Variants in TIAM2 observed in about 807,000 individuals in gnomAD.
The protein encoded by TIAM2 is TIAM Rac1 associated GEF 2, also known as rho guanine nucleotide exchange factor TIAM2.
A neutral mutation model predicts 152.9 loss-of-function variants in TIAM2; 80 were observed. The ratio of observed to expected loss-of-function variants is 0.52; its 90% CI spans 0.44 to 0.63. TIAM2 has a LOEUF of 0.63. Among genes scored for constraint, TIAM2 ranks in the 30% least tolerant of loss-of-function variants. The pLI is 0.00. For synonymous variants in TIAM2, 804 were observed against 838.0 expected, an observed-to-expected ratio of 0.96 and a Z score of 0.70; for missense variants, 1,965 against 2,120.1, an observed-to-expected ratio of 0.93 and a Z score of 1.44.
chr6:155,252,827 A>T, intron 23 of TIAM2, 121 bp from the exon 24 acceptor site: 1 of 808,206 alleles, frequency 1.2e-6, no homozygotes, highest in Non-Finnish European at 2.0e-6. Context: ...TGCCCTGAAC[A>T]CCCACATGGC....
chr6:155,222,722 A>G (rs1053802442), intron 15 of TIAM2, among the ~76,000 whole-genome samples: 4 of 151,914 alleles, frequency 2.6e-5, no homozygotes, highest in Non-Finnish European at 4.4e-5. Context: ...CCTATCTGTG[A>G]AACTCAAGGG....
intron 26 of TIAM2, 136 bp downstream of exon 26, chr6:155,254,709 T>A: frequency 9.0e-7 from 1 of 1,113,806 alleles, no homozygotes; most frequent in Non-Finnish European, 1.3e-6. Flanking sequence ...TTAAGAAACC[T>A]AAACATGCCT....
At chr6:155,063,542 G>C (rs984841747) in intron 1 of TIAM2, among the ~76,000 whole-genome samples, 4 of 152,106 alleles carry the variant, frequency 2.6e-5, no homozygotes, top group African/African-American at 9.7e-5. Flanking sequence ...CCAGCACTTT[G>C]GAAGGCCGAG....
At chr6:155,250,482 G>A (rs571320876) in intron 21 of TIAM2, 19,203 of 1,428,834 alleles carry the variant, frequency 0.013, 226 homozygotes, top group Non-Finnish European at 0.015. Context: ...AACAGGAAAG[G>A]ACTGGAGATC....
At chr6:155,159,399 C>A (rs113105956) in intron 7 of TIAM2, among the ~76,000 whole-genome samples, 23 of 152,240 alleles carry the variant, frequency 1.5e-4, no homozygotes, top group African/African-American at 5.5e-4. Context: ...AATCAGGGGC[C>A]CCGTTATAGC....
At chr6:155,110,186 C>G (rs887717499) in intron 2 of TIAM2, among the ~76,000 whole-genome samples, 4 of 151,992 alleles carry the variant, frequency 2.6e-5, no homozygotes, top group African/African-American at 9.7e-5. Flanking sequence ...CTCCTGATCT[C>G]AAGTGATCCG....
chr6:155,185,943 A>G (rs73795345), intron 14 of TIAM2, among the ~76,000 whole-genome samples: 14,922 of 152,220 alleles, frequency 0.098, 1,075 homozygotes, highest in African/African-American at 0.2. Context: ...AGACACCACA[A>G]ACAGAGGCTT....
chr6:155,047,660 AGAGAGAG>A (rs1777208072), intron 1 of TIAM2, among the ~76,000 whole-genome samples: 1 of 92,088 alleles, frequency 1.1e-5, no homozygotes, highest in Non-Finnish European at 2.3e-5. Flanking sequence ...GGAGAGAGAG[AGAGAGAG>A]GAGAGAGAGA....
intron 1 of TIAM2, among the ~76,000 whole-genome samples, chr6:155,017,568 A>G (rs1223982657): frequency 1.4e-5 from 2 of 141,424 alleles, no homozygotes; most frequent in Non-Finnish European, 3.0e-5. Context: ...CAGTAGTGCG[A>G]TCTTGGCTCA....
chr6:155,028,656 AATAT>A (rs1219031499), intron 1 of TIAM2, among the ~76,000 whole-genome samples: 5 of 131,106 alleles, frequency 3.8e-5, no homozygotes, highest in African/African-American at 1.2e-4. Flanking sequence ...TACTACATAT[AATAT>A]ATATACTGTG....
At chr6:155,088,052 C>CTTTTTTTTTTTTT (rs113372173) in intron 1 of TIAM2, among the ~76,000 whole-genome samples, 6 of 118,990 alleles carry the variant, frequency 5.0e-5, no homozygotes, top group East Asian at 2.4e-4. Context: ...TTCTTTCTTT[C>CTTTTTTTTTTTTT]TTTTTTTTTT....
chr6:155,052,244 A>T (rs888343271), intron 1 of TIAM2, among the ~76,000 whole-genome samples: 1 of 152,200 alleles, frequency 6.6e-6, no homozygotes, highest in African/African-American at 2.4e-5. Context: ...TGCAGAATCT[A>T]ATAAAACCAC....
chr6:155,224,653 C>T (rs1478572038), intron 15 of TIAM2, among the ~76,000 whole-genome samples: 1 of 152,186 alleles, frequency 6.6e-6, no homozygotes, highest in East Asian at 1.9e-4. Flanking sequence ...TGGTTCTTGC[C>T]CCTTCCACAC....
chr6:155,208,788 T>G (rs926470850), intron 14 of TIAM2, among the ~76,000 whole-genome samples: 2 of 152,136 alleles, frequency 1.3e-5, no homozygotes, highest in Non-Finnish European at 2.9e-5. Context: ...GATCTTCTGG[T>G]CCTTACACCT....
At chr6:155,041,123 T>C in intron 1 of TIAM2, among the ~76,000 whole-genome samples, 1 of 152,190 alleles carries the variant, frequency 6.6e-6, no homozygotes, top group East Asian at 1.9e-4. Flanking sequence ...CATTGGCTTC[T>C]TGGACAAAGC....
rs71023612 is a variant in TIAM2, at chr6:155,057,017, C to CTTT, written c.-208-33245_-208-33243dup. On this transcript the variant is annotated intron_variant, in intron 1 of 26. Coordinates refer to ENST00000682666, the MANE Select transcript of TIAM2 (RefSeq NM_012454.4). Reference sequence around the variant, plus strand: ...AGTAGAATGTTCCTCAGTTTTCTTTCTTTTTTTTTTTTTTTTTTTTTTTTT... The same window carrying CTTT: ...AGTAGAATGTTCCTCAGTTTTCTTTCTTTTTTTTTTTTTTTTTTTTTTTTTTTT... Among the ~76,000 whole-genome samples, 184 of 43,884 alleles carry CTTT rather than the reference C, an allele frequency of 4.2e-3. 6 individuals are homozygous for CTTT. Among genetic ancestry groups the CTTT allele is most frequent in the Non-Finnish European group, 4.7e-3 (109 of 23,098 alleles). 28.8% of individuals were successfully genotyped at this position (43,884 alleles called of 152,430 possible).
intron 2 of TIAM2, among the ~76,000 whole-genome samples, chr6:155,115,844 C>T (rs1172753344): frequency 6.6e-6 from 1 of 152,094 alleles, no homozygotes; most frequent in Non-Finnish European, 1.5e-5. Context: ...ATTGGTCAGG[C>T]GTGGTGGCTC....
chr6:155,192,039 G>T (rs946199883), intron 14 of TIAM2, among the ~76,000 whole-genome samples: 1 of 152,004 alleles, frequency 6.6e-6, no homozygotes, highest in African/African-American at 2.4e-5. Flanking sequence ...TGGATTATGT[G>T]GGGGGCCCAG....
At chr6:155,171,211 C>A (rs1440535044) in intron 9 of TIAM2, among the ~76,000 whole-genome samples, 1 of 152,168 alleles carries the variant, frequency 6.6e-6, no homozygotes, top group Non-Finnish European at 1.5e-5. Context: ...AGTGAGTCAC[C>A]CTAATTCAAA....
Sources: allele counts gnomAD v4.1 joint callset (sites outside exome capture counted in the v4.1 genomes callset), GRCh38; gene constraint gnomAD v4.1.1; transcripts MANE v1.5; gene names NCBI Gene and HGNC (gene_info 2026-07-23, HGNC 2026-07-21).